Variants in PNLIPRP1 observed in about 807,000 individuals in gnomAD.
PNLIPRP1 encodes the protein inactive pancreatic lipase-related protein 1.
PNLIPRP1 carries 57 observed loss-of-function variants against 54.6 expected under a neutral mutation model. The ratio of observed to expected loss-of-function variants is 1.04; its 90% CI spans 0.84 to 1.30. The LOEUF (loss-of-function observed/expected upper bound fraction) is 1.30. Ranked by LOEUF, PNLIPRP1 falls within the 50% of genes most tolerant of loss-of-function variation. The pLI, the probability that PNLIPRP1 is intolerant of heterozygous loss-of-function variation, is 0.00. For synonymous variants in PNLIPRP1, 232 were observed against 208.8 expected, an observed-to-expected ratio of 1.11 and a Z score of -0.96; for missense variants, 567 against 568.5, an observed-to-expected ratio of 1.00 and a Z score of 0.03.
intron 12 of PNLIPRP1, among the ~76,000 whole-genome samples, chr10:116,605,823 C>G (rs191740690): frequency 6.6e-6 from 1 of 152,120 alleles, no homozygotes; most frequent in Non-Finnish European, 1.5e-5. Context: ...AGAAAGAGAA[C>G]AAGAAATCCT....
intron 4 of PNLIPRP1, 94 bp from the exon 5 acceptor site, chr10:116,594,636 G>A (rs1180047956): frequency 7.4e-7 from 1 of 1,348,168 alleles, no homozygotes; most frequent in South Asian, 1.2e-5. Flanking sequence ...GCCCTAGCTA[G>A]GAGAAGAGAG....
intron 4 of PNLIPRP1, 88 bp downstream of exon 4, chr10:116,592,629 T>C (rs906159641): frequency 6.8e-7 from 1 of 1,478,878 alleles, no homozygotes; most frequent in Non-Finnish European, 9.4e-7. Flanking sequence ...AAGAAATCTT[T>C]ACATATTAGG....
intron 12 of PNLIPRP1, among the ~76,000 whole-genome samples, chr10:116,608,202 G>A (rs1366686679): frequency 4.6e-5 from 7 of 152,228 alleles, no homozygotes; most frequent in Non-Finnish European, 1.5e-5. Context: ...AATCCTAGTG[G>A]GCAGGTTGTT....
Position 116,605,492 on chromosome 10 carries a change from C to T in PNLIPRP1, c.1279C>T (p.Pro427Ser). ...TCTTTGGAATAACAATGTGATAAATCCAACCCTCCCCAAAGTGGGTGCCAC... is the reference window on the plus strand; with the variant it reads ...TCTTTGGAATAACAATGTGATAAATTCAACCCTCCCCAAAGTGGGTGCCAC... ...KFLWNNNVINPTLPKVGATKI... is the reference protein window; with the variant it reads ...KFLWNNNVINSTLPKVGATKI... Residue 427 changes from proline to serine, a missense_variant, in exon 12 of 13, where the codon CCA (proline) becomes TCA (serine). Pro to Ser is a moderately conservative substitution (Grantham distance 74, BLOSUM62 -1). Transcript: ENST00000358834. The T allele has an allele frequency of 6.2e-7, 1 of 1,611,078 alleles. No homozygotes were observed. The highest frequency in any genetic ancestry group is 8.5e-7 in the Non-Finnish European group (1 of 1,177,888).
chr10:116,596,938 A>T (rs1847748497), intron 6 of PNLIPRP1, among the ~76,000 whole-genome samples: 1 of 152,182 alleles, frequency 6.6e-6, no homozygotes, highest in South Asian at 2.1e-4. Flanking sequence ...AATACTGCAC[A>T]AAATGCTTTA....
intron 3 of PNLIPRP1, 93 bp downstream of exon 3, chr10:116,592,018 TC>T (rs555747155): frequency 2.3e-5 from 32 of 1,372,376 alleles, no homozygotes; most frequent in Non-Finnish European, 3.1e-5. Flanking sequence ...GCCCTCTTCC[TC>T]CACCATGCCC....
At chr10:116,600,252 C>G in intron 9 of PNLIPRP1, 87 bp downstream of exon 9, 1 of 842,534 alleles carries the variant, frequency 1.2e-6, no homozygotes, top group South Asian at 1.4e-5. Flanking sequence ...AATGCCTTCT[C>G]ACTACACGTT....
intron 3 of PNLIPRP1, 124 bp from the exon 4 acceptor site, chr10:116,592,292 T>C (rs369422185): frequency 1.1e-5 from 12 of 1,096,800 alleles, no homozygotes; most frequent in Non-Finnish European, 1.2e-5. Context: ...GTGGGCTTCA[T>C]GGAAGAAGTG....
At chr10:116,599,851 A>G (rs907713825) in intron 8 of PNLIPRP1, among the ~76,000 whole-genome samples, 196 bp from the exon 9 acceptor site, 1 of 152,226 alleles carries the variant, frequency 6.6e-6, no homozygotes, top group African/African-American at 2.4e-5. Flanking sequence ...AGGCAGGTAA[A>G]GTGATCAGAA....
intron 6 of PNLIPRP1, 140 bp downstream of exon 6, chr10:116,596,462 A>G (rs1847739698): frequency 1.7e-6 from 1 of 578,026 alleles, no homozygotes; most frequent in African/African-American, 1.9e-5. Flanking sequence ...CCTGCACAGA[A>G]CATTTTAGGG....
intron 10 of PNLIPRP1, 51 bp from the exon 11 acceptor site, chr10:116,603,979 G>T (rs782280884): frequency 9.4e-7 from 1 of 1,062,890 alleles, no homozygotes; most frequent in Non-Finnish European, 1.4e-6. Flanking sequence ...CTGGGATGTA[G>T]GCTACTTATT....
chr10:116,597,775 G>A (rs1847761732), intron 6 of PNLIPRP1, 53 bp from the exon 7 acceptor site: 6 of 1,610,440 alleles, frequency 3.7e-6, no homozygotes, highest in Non-Finnish European at 5.1e-6. Context: ...CCTTGGTGCT[G>A]CTGACATCTA....
Position 116,597,948 on chromosome 10 carries a change from G to A in PNLIPRP1, c.694+1G>A. Reference sequence around the variant, plus strand: ...GCAGCTCCCCTGATCCCATTCTTGGGTGAGACCTATGATGCTCCAGCTGTG... The same window carrying A: ...GCAGCTCCCCTGATCCCATTCTTGGATGAGACCTATGATGCTCCAGCTGTG... On this transcript the variant is annotated splice_donor_variant, in intron 7 of 12. Coordinates refer to ENST00000358834, the MANE Select transcript of PNLIPRP1 (RefSeq NM_006229.4). LOFTEE classifies it high-confidence loss of function. 6.2e-7 allele frequency: 1 copy of A among 1,614,178 alleles called. No individual in the cohort carries two copies. Among genetic ancestry groups the A allele is most frequent in the Non-Finnish European group, 8.5e-7 (1 of 1,180,030 alleles).
At chr10:116,599,256 GAAAATAAAAT>G (rs10640431) in intron 8 of PNLIPRP1, among the ~76,000 whole-genome samples, 2,453 of 133,904 alleles carry the variant, frequency 0.018, 36 homozygotes, top group Middle Eastern at 0.057. Flanking sequence ...ACTCCATCTC[GAAAATAAAAT>G]AAAATAAAAT....
At chr10:116,601,026 A>G (rs1847827489) in intron 9 of PNLIPRP1, 46 bp from the exon 10 acceptor site, 16 of 1,568,688 alleles carry the variant, frequency 1.0e-5, no homozygotes, top group Non-Finnish European at 1.4e-5. Context: ...TATCGATCAT[A>G]CAAACACAAA....
At chr10:116,600,894 C>A (rs781828849) in intron 9 of PNLIPRP1, among the ~76,000 whole-genome samples, 178 bp from the exon 10 acceptor site, 1 of 152,182 alleles carries the variant, frequency 6.6e-6, no homozygotes, top group Non-Finnish European at 1.5e-5. Context: ...TGTGTTGTGC[C>A]TAAAAGTTGG....
intron 11 of PNLIPRP1, 95 bp from the exon 12 acceptor site, chr10:116,605,291 C>A: frequency 1.6e-6 from 1 of 638,054 alleles, no homozygotes; most frequent in South Asian, 4.5e-5. Flanking sequence ...GAAAAATAAT[C>A]CTGTTAATCT....
At position 116,604,101 on chromosome 10, in the gene PNLIPRP1, G is replaced by A. The variant is rs782610657; in HGVS notation, c.1135G>A (p.Gly379Arg). The A allele has an allele frequency of 6.2e-7, 1 of 1,611,764 alleles. No individual in the cohort carries two copies. Among genetic ancestry groups the A allele is most frequent in the South Asian group, 1.1e-5 (1 of 91,002 alleles). Residue 379 changes from glycine (G) to arginine (R), a missense_variant, in exon 11 of 13, where the codon GGA becomes AGA. Coordinates refer to ENST00000358834, the MANE Select transcript of PNLIPRP1 (RefSeq NM_006229.4). ...ATGQIKVALF[G>R]NKGNTHQYSI... ...TGGTCAGATCAAAGTTGCTTTGTTT[G>A]GAAATAAGGGAAACACTCACCAGTA...
chr10:116,591,599 C>T (rs1554863155), intron 2 of PNLIPRP1, among the ~76,000 whole-genome samples, 172 bp from the exon 3 acceptor site: 1 of 152,056 alleles, frequency 6.6e-6, no homozygotes, highest in Non-Finnish European at 1.5e-5. Context: ...CTACTACCGG[C>T]CAGTAGTAGG....
Sources: allele counts gnomAD v4.1 joint callset (sites outside exome capture counted in the v4.1 genomes callset), GRCh38; gene constraint gnomAD v4.1.1; transcripts MANE v1.5; gene names NCBI Gene and HGNC (gene_info 2026-07-23, HGNC 2026-07-21).